The following PDXDC1 variants were observed in gnomAD, a reference collection of about 807,000 sequenced individuals.
PDXDC1 encodes pyridoxal-dependent decarboxylase domain-containing protein 1.
In PDXDC1, 42 loss-of-function variants were observed where a neutral mutation model predicts 100.1. The ratio of observed to expected loss-of-function variants is 0.42; its 90% CI spans 0.33 to 0.54. The LOEUF (loss-of-function observed/expected upper bound fraction) is 0.54, where lower values mean the gene tolerates loss of function less well. Among genes scored for constraint, PDXDC1 ranks in the 20% least tolerant of loss-of-function variants. The pLI is 0.10. For missense variants in PDXDC1, 636 were observed against 979.2 expected (o/e 0.65, Z 4.68); for synonymous variants, 260 against 371.7 (o/e 0.70, Z 3.46).
chr16:15,122,855 A>AAGGGGAGGGG (rs2047499632), intron 16 of PDXDC1, among the ~76,000 whole-genome samples: 1 of 78,704 alleles, frequency 1.3e-5, no homozygotes, highest in Non-Finnish European at 2.5e-5. Context: ...AGGGGAGGGG[A>AAGGGGAGGGG]AGGGGGGAGT....
intron 1 of PDXDC1, chr16:14,989,754 TCAGCCAGCGCGCTCAGC>T (rs1970291794): frequency 6.5e-7 from 1 of 1,547,402 alleles, no homozygotes; most frequent in African/African-American, 1.4e-5. Flanking sequence ...CTCTCCAGCT[TCAGCCAGCGCGCTCAGC>T]GGGCGCAGCT....
At chr16:15,032,005 G>C (rs905521782) in intron 17 of PDXDC1, 99 bp downstream of exon 17, 10 of 1,070,988 alleles carry the variant, frequency 9.3e-6, no homozygotes, top group Non-Finnish European at 1.4e-5. Flanking sequence ...AGATGAACGT[G>C]TAGTCACAAT....
At chr16:14,979,887 T>C (rs547738274) in intron 1 of PDXDC1, among the ~76,000 whole-genome samples, 1 of 152,414 alleles carries the variant, frequency 6.6e-6, no homozygotes, top group East Asian at 1.9e-4. Flanking sequence ...TTAGGCAAGG[T>C]TGAAATGACC....
At chr16:15,095,209 G>C (rs1040608024) in intron 16 of PDXDC1, among the ~76,000 whole-genome samples, 44 of 152,108 alleles carry the variant, frequency 2.9e-4, no homozygotes, top group Admixed American at 9.2e-4. Flanking sequence ...TCCAAGCATA[G>C]GAAACGGAGG....
At chr16:15,125,761 T>A (rs765296590) in intron 16 of PDXDC1, 83 of 1,516,666 alleles carry the variant, frequency 5.5e-5, no homozygotes, top group Admixed American at 8.8e-5. Flanking sequence ...GCTGTCGATG[T>A]CCAGCACCTG....
intron 12 of PDXDC1, among the ~76,000 whole-genome samples, chr16:15,021,345 A>G (rs370676335): frequency 1.3e-5 from 2 of 152,142 alleles, no homozygotes; most frequent in South Asian, 4.1e-4. Flanking sequence ...CTACTGCACT[A>G]CTCCACTCCA....
Position 15,083,652 on chromosome 16 carries a change from C to T in PDXDC1, c.1399+53596C>T. 6 of 1,567,206 alleles carry T rather than the reference C, an allele frequency of 3.8e-6. No individual in the cohort carries two copies. The South Asian group carries it at 7.0e-5, about 18-fold the overall frequency. On this transcript the variant is annotated intron_variant, in intron 16 of 16. Transcript: ENST00000535621. ...AGAAAAGGAATAAAAAGGAAAACTA[C>T]CATTCTAAAAGCAAATATTGATAGA...
chr16:15,095,159 GAACAGGA>G (rs2046309349), intron 16 of PDXDC1, among the ~76,000 whole-genome samples: 1 of 151,952 alleles, frequency 6.6e-6, no homozygotes, highest in Admixed American at 6.6e-5. Context: ...TTTAAAAGAG[GAACAGGA>G]GTCAGCCAGA....
intron 16 of PDXDC1, among the ~76,000 whole-genome samples, chr16:15,122,896 GGTACCTGGAGGAGGT>G: frequency 6.8e-6 from 1 of 147,316 alleles, no homozygotes; most frequent in Non-Finnish European, 1.5e-5. Context: ...GGGGCTGTTG[GGTACCTGGAGGAGGT>G]GGAGGAGGAG....
intron 16 of PDXDC1, chr16:15,128,035 C>T (rs767691584): frequency 1.6e-5 from 26 of 1,601,572 alleles, no homozygotes; most frequent in Admixed American, 8.3e-5. Context: ...CGTTGGCCTC[C>T]GTCTCCACCG....
chr16:15,043,534 C>G (rs144960274), intron 16 of PDXDC1, among the ~76,000 whole-genome samples: 1,707 of 152,326 alleles, frequency 0.011, 13 homozygotes, highest in Non-Finnish European at 0.018. Flanking sequence ...AGAGTGAGGC[C>G]TTCAGTCATG....
chr16:15,036,308 AT>A lies in PDXDC1; in HGVS notation c.*35del. On this transcript the variant is annotated 3_prime_UTR_variant, in exon 23 of 23. Coordinates refer to ENST00000396410, the MANE Select transcript of PDXDC1 (RefSeq NM_015027.4). ...TGTGTGGTTTGAGACTGTACTGAGT[AT>A]TGTTTCAGGGAAGATGAAGTTCTAT... 1 of 1,564,782 alleles carries A rather than the reference AT, an allele frequency of 6.4e-7. No individual in the cohort carries two copies.
chr16:15,074,871 C>G lies in PDXDC1; in HGVS notation c.1399+44815C>G, dbSNP rs754257272. The G allele has an allele frequency of 6.3e-6, 10 of 1,598,614 alleles. No homozygotes were observed. In the South Asian group the frequency reaches 6.8e-5, roughly 11 times the overall value. The stretch of plus-strand genomic sequence containing the variant: ...TTTCTTCATCTTCATCCTTTGAAGA[C>G]AAAAAGTAAATACTAACATTAAAAA... On this transcript the variant is annotated intron_variant, in intron 16 of 16. Coordinates refer to the PDXDC1 transcript ENST00000535621.
At chr16:15,121,976 A>G (rs1007010272) in intron 16 of PDXDC1, 50 of 251,422 alleles carry the variant, frequency 2.0e-4, no homozygotes, top group African/African-American at 1.1e-3. Context: ...CCCAGTCTCT[A>G]CTAAAAATAC....
intron 16 of PDXDC1, among the ~76,000 whole-genome samples, chr16:15,082,547 T>C (rs975823366): frequency 1.1e-4 from 17 of 151,836 alleles, no homozygotes; most frequent in Admixed American, 3.9e-4. Context: ...GTGCCCCATG[T>C]CTATAGTCCC....
At chr16:15,044,420 T>G in intron 16 of PDXDC1, 2 of 1,601,294 alleles carry the variant, frequency 1.2e-6, no homozygotes, top group Non-Finnish European at 1.7e-6. Flanking sequence ...GGCAAAGAGA[T>G]GAGACGGGTC....
At chr16:15,065,103 T>G (rs2151761644) in intron 16 of PDXDC1, 1 of 1,044,254 alleles carries the variant, frequency 9.6e-7, no homozygotes, top group East Asian at 2.4e-5. Flanking sequence ...GAGGCGGAGC[T>G]TGCGGTAAGC....
intron 16 of PDXDC1, chr16:15,131,620 G>A: frequency 2.5e-6 from 4 of 1,600,086 alleles, no homozygotes; most frequent in South Asian, 2.2e-5. Flanking sequence ...GTAGGCCTGG[G>A]ACGCCACCAT....
At chr16:15,129,237 G>C (rs991196421) in intron 16 of PDXDC1, among the ~76,000 whole-genome samples, 1 of 151,542 alleles carries the variant, frequency 6.6e-6, no homozygotes, top group Non-Finnish European at 1.5e-5. Context: ...GGCAGGCCGA[G>C]GCAGGCGGAT....
Sources: allele counts gnomAD v4.1 joint callset (sites outside exome capture counted in the v4.1 genomes callset), GRCh38; gene constraint gnomAD v4.1.1; transcripts MANE v1.5; gene names NCBI Gene and HGNC (gene_info 2026-07-23, HGNC 2026-07-21).